DNAH7: variants seen among roughly 807,000 people sequenced by gnomAD.
DNAH7 encodes dynein axonemal heavy chain 7.
DNAH7 carries 397 observed loss-of-function variants against 444.6 expected under a neutral mutation model. The observed-to-expected ratio is 0.89, with a 90% CI of 0.82 to 0.97. The LOEUF is 0.97. Ranked by LOEUF, DNAH7 falls within the 50% of genes least tolerant of loss-of-function variation. The pLI is 0.00. For missense variants in DNAH7, 4,902 were observed against 4,800.8 expected (o/e 1.02, Z -0.62); for synonymous variants, 1,636 against 1,624.4 (o/e 1.01, Z -0.17).
intron 58 of DNAH7, among the ~76,000 whole-genome samples, chr2:195,782,974 C>T (rs1559093186): frequency 6.6e-6 from 1 of 152,180 alleles, no homozygotes; most frequent in Non-Finnish European, 1.5e-5. Context: ...TGTGCTCTCT[C>T]TTCCCTTGAG....
chr2:195,910,538 T>G (rs904184605), intron 24 of DNAH7, among the ~76,000 whole-genome samples: 2 of 152,138 alleles, frequency 1.3e-5, no homozygotes, highest in Admixed American at 1.3e-4. Flanking sequence ...AAATAATAAT[T>G]TAAAATACAT....
At chr2:195,848,866 G>A (rs1395660054) in intron 46 of DNAH7, among the ~76,000 whole-genome samples, 2 of 152,176 alleles carry the variant, frequency 1.3e-5, no homozygotes, top group African/African-American at 2.4e-5. Context: ...AATGGTTGGG[G>A]TGAGGGCTTA....
In DNAH7 at chr2:195,960,603, G is replaced by C; in HGVS notation, c.2548C>G (p.Arg850Gly). 6.2e-7 allele frequency: 1 copy of C among 1,614,198 alleles called. No individual in the cohort carries two copies. The highest frequency in any genetic ancestry group is 1.1e-5 in the South Asian group (1 of 91,086). ...GACATGGCCTCCCAGTGCCTGGGGC[G>C]CAAACCAGGATTACAGATCACTTGA... ...LIQVICNPGL[R>G]PRHWEAMSAI... Residue 850 changes from arginine to glycine, a missense_variant, in exon 18 of 65, where the codon CGC becomes GGC. Coordinates refer to ENST00000312428, the MANE Select transcript of DNAH7 (RefSeq NM_018897.3).
chr2:195,835,509 A>G (rs1366904322), intron 47 of DNAH7, among the ~76,000 whole-genome samples: 6 of 152,174 alleles, frequency 3.9e-5, no homozygotes, highest in African/African-American at 1.4e-4. Flanking sequence ...CAAAATAAAA[A>G]AAACCATATT....
At chr2:195,771,287 C>T (rs746411833) in intron 61 of DNAH7, among the ~76,000 whole-genome samples, 6 of 151,964 alleles carry the variant, frequency 3.9e-5, no homozygotes, top group Admixed American at 6.6e-5. Context: ...CAGCAGTGAG[C>T]GGTAATCACA....
chr2:195,817,025 T>C (rs1456263966), intron 50 of DNAH7, 62 bp from the exon 51 acceptor site: 6 of 1,232,832 alleles, frequency 4.9e-6, no homozygotes, highest in Non-Finnish European at 6.7e-6. Flanking sequence ...TTCACGTATA[T>C]GTTCTTTTAT....
At chr2:196,041,773 T>C (rs1299285630) in intron 5 of DNAH7, among the ~76,000 whole-genome samples, 2 of 151,884 alleles carry the variant, frequency 1.3e-5, no homozygotes, top group East Asian at 3.8e-4. Flanking sequence ...ACCCACAGAA[T>C]GGGAGAAAAT....
chr2:195,885,813 G>C (rs1342604754), intron 34 of DNAH7, among the ~76,000 whole-genome samples: 1 of 152,134 alleles, frequency 6.6e-6, no homozygotes, highest in Non-Finnish European at 1.5e-5. Flanking sequence ...GTTTGGAAAG[G>C]AGGTAAATCT....
In DNAH7 at chr2:195,861,701, G is replaced by A. The variant is rs770687944; in HGVS notation, c.7736+16C>T. ...ATTGCCATAGCTTACTTAGAAATAT[G>A]AAATTTGATTTTTACCTTCTTTTCT... On this transcript the variant is annotated intron_variant, in intron 42 of 64. Coordinates refer to ENST00000312428, the MANE Select transcript of DNAH7 (RefSeq NM_018897.3). 7.6e-6 allele frequency: 12 copies of A among 1,573,098 alleles called. No individual in the cohort carries two copies. The highest frequency in any genetic ancestry group is 4.5e-5 in the South Asian group (4 of 88,142).
At chr2:195,883,609 AAAATG>A (rs1352940037) in intron 35 of DNAH7, among the ~76,000 whole-genome samples, 1 of 152,194 alleles carries the variant, frequency 6.6e-6, no homozygotes, top group Non-Finnish European at 1.5e-5. Flanking sequence ...AAGGTGTTGA[AAAATG>A]AAATGGAAAT....
intron 5 of DNAH7, among the ~76,000 whole-genome samples, chr2:196,044,312 A>G (rs1443895593): frequency 1.3e-5 from 2 of 151,996 alleles, no homozygotes; most frequent in Non-Finnish European, 2.9e-5. Context: ...GGAGTTGGTG[A>G]CCATTATTCT....
At chr2:195,774,033 T>G (rs1324103756) in intron 60 of DNAH7, among the ~76,000 whole-genome samples, 1 of 152,230 alleles carries the variant, frequency 6.6e-6, no homozygotes, top group South Asian at 2.1e-4. Flanking sequence ...ATAACTATAA[T>G]TGTATTCGCC....
chr2:196,019,041 T>A (rs1695204768), intron 9 of DNAH7, 129 bp downstream of exon 9: 4 of 1,042,620 alleles, frequency 3.8e-6, no homozygotes, highest in Non-Finnish European at 5.0e-6. Flanking sequence ...TTTAAAACCA[T>A]GTTTGAATAC....
intron 35 of DNAH7, among the ~76,000 whole-genome samples, chr2:195,882,733 C>T (rs1701461955): frequency 6.6e-6 from 1 of 152,184 alleles, no homozygotes; most frequent in South Asian, 2.1e-4. Flanking sequence ...ACACCACCAC[C>T]CTTCTTGCAG....
intron 24 of DNAH7, among the ~76,000 whole-genome samples, chr2:195,920,617 TA>T (rs1251589670): frequency 1.3e-5 from 2 of 152,232 alleles, no homozygotes; most frequent in Non-Finnish European, 1.5e-5. Flanking sequence ...ATAAAAATTC[TA>T]TAAGCTAACA....
chr2:195,858,416 A>G (rs866624596), intron 43 of DNAH7, 58 bp downstream of exon 43: 1 of 1,379,380 alleles, frequency 7.2e-7, no homozygotes. Context: ...CACAATGCTA[A>G]TTTCTTTCTT....
chr2:195,858,868 T>A, intron 42 of DNAH7, 64 bp from the exon 43 acceptor site: 1 of 1,407,828 alleles, frequency 7.1e-7, no homozygotes, highest in Non-Finnish European at 9.6e-7. Flanking sequence ...AAGGAAAAAC[T>A]TAAGTGTTTC....
At chr2:196,027,626 A>G (rs2125782776) in intron 6 of DNAH7, among the ~76,000 whole-genome samples, 1 of 152,194 alleles carries the variant, frequency 6.6e-6, no homozygotes, top group East Asian at 1.9e-4. Context: ...TTCCTAAAGT[A>G]CGTTAATATG....
At chr2:195,918,574 GTAT>G (rs531684386) in intron 24 of DNAH7, among the ~76,000 whole-genome samples, 93 of 152,286 alleles carry the variant, frequency 6.1e-4, no homozygotes, top group African/African-American at 2.0e-3. Flanking sequence ...ATATAATAAA[GTAT>G]TATTTGTCAA....
Sources: gnomAD v4.1 joint callset for allele counts (sites outside exome capture counted in the v4.1 genomes callset) on GRCh38, gnomAD v4.1.1 for gene constraint, MANE v1.5 for transcripts, NCBI Gene and HGNC (gene_info 2026-07-23, HGNC 2026-07-21) for gene names.